Variants in HAPSTR1 observed in about 807,000 individuals in gnomAD.
HAPSTR1 encodes HUWE1 associated protein modifying stress responses.
chr16:9,100,689 C>T, the HAPSTR1 span, among the ~76,000 whole-genome samples: 1 of 152,228 alleles, frequency 6.6e-6, no homozygotes, highest in African/African-American at 2.4e-5. Context: ...GCCTACCACC[C>T]ATGCCTGGCT....
At chr16:9,093,568 C>T in the HAPSTR1 span, among the ~76,000 whole-genome samples, 1 of 152,186 alleles carries the variant, frequency 6.6e-6, no homozygotes, top group Admixed American at 6.5e-5. Flanking sequence ...CATCTGCGCG[C>T]ATGTTAACGT....
the HAPSTR1 span, among the ~76,000 whole-genome samples, chr16:9,097,732 G>A: frequency 6.6e-6 from 1 of 152,186 alleles, no homozygotes; most frequent in African/African-American, 2.4e-5. Context: ...TATCAGGCTG[G>A]CTTCATTATG....
chr16:9,099,136 TAAAG>T, the HAPSTR1 span, among the ~76,000 whole-genome samples: 2 of 86,846 alleles, frequency 2.3e-5, no homozygotes, highest in African/African-American at 1.7e-4. Context: ...TAAAAGCATT[TAAAG>T]AAAAAAAAGG....
the HAPSTR1 span, among the ~76,000 whole-genome samples, chr16:9,092,570 G>C: frequency 2.1e-4 from 32 of 151,778 alleles, no homozygotes; most frequent in South Asian, 3.5e-3. Flanking sequence ...GACGGGAGAG[G>C]AGGAGCCCCC....
At chr16:9,097,494 G>C in the HAPSTR1 span, among the ~76,000 whole-genome samples, 1 of 152,150 alleles carries the variant, frequency 6.6e-6, no homozygotes. Flanking sequence ...GCCTCAGCCT[G>C]CCAAAGTGCC....
the HAPSTR1 span, among the ~76,000 whole-genome samples, chr16:9,115,870 A>G: frequency 1.3e-5 from 2 of 152,132 alleles, no homozygotes; most frequent in Admixed American, 1.3e-4. Context: ...CCGGCCTCCC[A>G]AAGTGCTGGG....
the HAPSTR1 span, chr16:9,105,433 T>C: frequency 6.6e-6 from 1 of 152,344 alleles, no homozygotes; most frequent in African/African-American, 2.4e-5. Flanking sequence ...ACATAAATTA[T>C]ACTGAGTTGT....
chr16:9,117,215 C>G, the HAPSTR1 span: 1 of 271,792 alleles, frequency 3.7e-6, no homozygotes, highest in African/African-American at 2.2e-5. Flanking sequence ...TGTATTTATT[C>G]TCAAAGGGAA....
the HAPSTR1 span, chr16:9,113,010 TTTTTTTTG>T: frequency 6.6e-6 from 1 of 150,660 alleles, no homozygotes; most frequent in African/African-American, 2.5e-5. Flanking sequence ...ACTTGGTTTT[TTTTTTTTG>T]TTTTTTTTGT....
chr16:9,118,673 T>G, the HAPSTR1 span: 1 of 152,370 alleles, frequency 6.6e-6, no homozygotes, highest in Non-Finnish European at 1.5e-5. Flanking sequence ...GCCTATGTAT[T>G]ATGAATACTT....
chr16:9,119,171 T>G, the HAPSTR1 span: 1 of 152,512 alleles, frequency 6.6e-6, no homozygotes. Context: ...TCCCATTGCT[T>G]TCTCCTTTCC....
At chr16:9,096,556 G>C in the HAPSTR1 span, among the ~76,000 whole-genome samples, 2 of 151,690 alleles carry the variant, frequency 1.3e-5, no homozygotes, top group Admixed American at 1.3e-4. Flanking sequence ...GGAGAACTGA[G>C]CATAACTGTA....
the HAPSTR1 span, chr16:9,116,519 C>A: frequency 9.9e-7 from 1 of 1,009,096 alleles, no homozygotes; most frequent in Non-Finnish European, 1.4e-6. Context: ...TATGTTTATC[C>A]AGAATAAAAC....
chr16:9,102,832 A>G, the HAPSTR1 span: 14 of 736,852 alleles, frequency 1.9e-5, no homozygotes, highest in Non-Finnish European at 2.8e-5. Flanking sequence ...CATTTTCATT[A>G]TGACTGAAAT....
chr16:9,094,871 T>C, the HAPSTR1 span, among the ~76,000 whole-genome samples: 1 of 152,208 alleles, frequency 6.6e-6, no homozygotes, highest in Non-Finnish European at 1.5e-5. Context: ...TCCTGTTGGG[T>C]TCTTGTAGAA....
At chr16:9,095,852 T>C in the HAPSTR1 span, among the ~76,000 whole-genome samples, 10 of 151,718 alleles carry the variant, frequency 6.6e-5, no homozygotes, top group South Asian at 1.5e-3. Context: ...TGTCTTCCCC[T>C]TTCCAAAAAA....
chr16:9,117,720 A>C, the HAPSTR1 span: 1 of 152,456 alleles, frequency 6.6e-6, no homozygotes, highest in Non-Finnish European at 1.5e-5. Flanking sequence ...AGGTGACCTA[A>C]AGTAGAGAGG....
At chr16:9,105,277 A>G in the HAPSTR1 span, 1 of 152,208 alleles carries the variant, frequency 6.6e-6, no homozygotes, top group Admixed American at 6.5e-5. Flanking sequence ...AATGATCTTT[A>G]CCTTCAATAA....
chr16:9,112,236 C>A, the HAPSTR1 span: 1 of 152,186 alleles, frequency 6.6e-6, no homozygotes, highest in Admixed American at 6.5e-5. Flanking sequence ...TGTCCTGGCA[C>A]CTCAGAACAC....
Sources: allele counts gnomAD v4.1 joint callset (sites outside exome capture counted in the v4.1 genomes callset), GRCh38; gene constraint gnomAD v4.1.1; transcripts MANE v1.5; gene names NCBI Gene and HGNC (gene_info 2026-07-23, HGNC 2026-07-21).